ZNRF3: variants seen among roughly 807,000 people sequenced by gnomAD.
The protein encoded by ZNRF3 is zinc and ring finger 3.
A neutral mutation model predicts 72.5 loss-of-function variants in ZNRF3; 23 were observed. The ratio of observed to expected loss-of-function variants is 0.32; its 90% CI spans 0.23 to 0.45. ZNRF3 has a LOEUF of 0.45. Ranked by LOEUF, ZNRF3 falls within the 20% of genes least tolerant of loss-of-function variation. The pLI is 1.00. For missense variants in ZNRF3, 1,169 were observed against 1,272.1 expected (o/e 0.92, Z 1.23); for synonymous variants, 610 against 545.3 (o/e 1.12, Z -1.65).
chr22:28,974,487 C>T (rs991869267), intron 1 of ZNRF3, among the ~76,000 whole-genome samples: 4 of 152,128 alleles, frequency 2.6e-5, no homozygotes, highest in Admixed American at 2.6e-4. Flanking sequence ...TGTTCCTTGC[C>T]TGGTGTCCAG....
intron 1 of ZNRF3, among the ~76,000 whole-genome samples, chr22:28,901,635 C>CTTT (rs132532): frequency 2.7e-5 from 2 of 74,820 alleles, no homozygotes; most frequent in African/African-American, 9.7e-5. Context: ...ATGGATGGAC[C>CTTT]TTTTTTTTTT....
intron 1 of ZNRF3, among the ~76,000 whole-genome samples, chr22:28,901,342 A>T (rs1461228913): frequency 6.6e-6 from 1 of 152,126 alleles, no homozygotes; most frequent in Non-Finnish European, 1.5e-5. Context: ...GCACTCTTCC[A>T]TCTCCCTGTT....
intron 1 of ZNRF3, among the ~76,000 whole-genome samples, chr22:28,950,164 A>G (rs978455572): frequency 3.3e-5 from 5 of 152,180 alleles, no homozygotes. Flanking sequence ...AATCAGTGCA[A>G]ATGTCAGCAG....
intron 1 of ZNRF3, among the ~76,000 whole-genome samples, chr22:28,909,957 C>T (rs1303952927): frequency 6.6e-6 from 1 of 151,346 alleles, no homozygotes; most frequent in Non-Finnish European, 1.5e-5. Context: ...CCAGGCTGGT[C>T]TTGAACTTCT....
At position 28,928,585 on chromosome 22, in the gene ZNRF3, C is replaced by T. The variant is rs1046031776; in HGVS notation, c.300+44519C>T. Among the ~76,000 whole-genome samples the T allele has an allele frequency of 7.3e-5, 11 of 151,522 alleles. No individual in the cohort carries two copies. The East Asian group carries it at 1.4e-3, about 19-fold the overall frequency. On this transcript the variant is annotated intron_variant, in intron 1 of 8. Coordinates refer to ENST00000544604, the MANE Select transcript of ZNRF3 (RefSeq NM_001206998.2). ...CTTGGCTCACTGCAGCCTCCACCTCCCGGGTTTAAGCAATTCTCCTGCCTC... is the reference window on the plus strand; with the variant it reads ...CTTGGCTCACTGCAGCCTCCACCTCTCGGGTTTAAGCAATTCTCCTGCCTC...
chr22:28,967,695 G>C lies in ZNRF3; in HGVS notation c.301-19381G>C, dbSNP rs561944107. ...TAATCCCAGCACTTTGGGAGGCTGA[G>C]GTGGGTGGATCACTTGAGCCCAGGA... On this transcript the variant is annotated intron_variant, in intron 1 of 8. Coordinates refer to ENST00000544604, the MANE Select transcript of ZNRF3 (RefSeq NM_001206998.2). Among the ~76,000 whole-genome samples, 4 of 152,176 alleles carry C rather than the reference G, an allele frequency of 2.6e-5. No homozygotes were observed. The South Asian group carries it at 8.3e-4, about 32-fold the overall frequency.
chr22:29,020,249 CTTTTTTTTTTTT>C (rs756716817), intron 2 of ZNRF3, among the ~76,000 whole-genome samples: 5,803 of 91,872 alleles, frequency 0.063, 209 homozygotes, highest in Middle Eastern at 0.14. Flanking sequence ...CACAACCATC[CTTTTTTTTTTTT>C]TTTTTTTTTT....
intron 1 of ZNRF3, among the ~76,000 whole-genome samples, chr22:28,977,310 G>A (rs986339587): frequency 2.6e-5 from 4 of 152,108 alleles, no homozygotes; most frequent in African/African-American, 9.7e-5. Flanking sequence ...TCCCTTCATT[G>A]CTATGACAAC....
chr22:28,910,649 A>G (rs565417002), intron 1 of ZNRF3, among the ~76,000 whole-genome samples: 14 of 152,308 alleles, frequency 9.2e-5, no homozygotes, highest in Non-Finnish European at 1.5e-4. Context: ...CTCCTCCTGC[A>G]TGTCTGTTGA....
chr22:29,048,360 A>T lies in ZNRF3; in HGVS notation c.913-29A>T. On this transcript the variant is annotated intron_variant, in intron 6 of 8. Transcript: ENST00000544604. This position sits in a 1 kb window ranked among gnomAD's most constrained non-coding sequence, Gnocchi z 4.9. The stretch of plus-strand genomic sequence containing the variant: ...AGGACACACCTGCGAGGCTGAAGGC[A>T]GACTTGTGTCCCCTCTCTCCCTGCC... The T allele has an allele frequency of 6.2e-7, 1 of 1,600,238 alleles. No individual in the cohort carries two copies. Among genetic ancestry groups the T allele is most frequent in the Non-Finnish European group, 8.6e-7 (1 of 1,168,480 alleles).
Position 29,049,772 on chromosome 22 carries a change from T to C in ZNRF3, c.1591T>C (p.Cys531Arg). The change falls in exon 8 of 9, where the codon TGC becomes CGC. Residue 531 changes from cysteine to arginine, a missense_variant. By Grantham distance (180) the Cys-to-Arg change is radical. This residue lies in a region of ZNRF3 where 783 missense variants were observed against 731.4 expected (regional missense o/e 1.07). Coordinates refer to ENST00000544604, the MANE Select transcript of ZNRF3 (RefSeq NM_001206998.2). This position sits in a 1 kb window ranked among gnomAD's most constrained non-coding sequence, Gnocchi z 5.2. Reference protein sequence around the residue: ...LESGSTSSFSCYHGHRSVCSG... With the variant: ...LESGSTSSFSRYHGHRSVCSG... ...GAGCGGCAGCACGTCCAGCTTCAGC[T>C]GCTATCACGGCCACCGCTCGGTGTG... 4.4e-6 allele frequency: 7 copies of C among 1,597,870 alleles called. No individual in the cohort carries two copies. The highest frequency in any genetic ancestry group is 6.0e-6 in the Non-Finnish European group (7 of 1,170,332).
chr22:29,042,497 C>G lies in ZNRF3; in HGVS notation c.429C>G (p.Ala143=). The change falls in exon 3 of 9, where the codon GCC becomes GCG. Residue 143 remains alanine, a splice_region_variant and synonymous_variant. Coordinates refer to ENST00000544604, the MANE Select transcript of ZNRF3 (RefSeq NM_001206998.2). The stretch of plus-strand genomic sequence containing the variant: ...TGCTGTTTTTTTAACTCTGGCAGGC[C>G]AAGCGAGCAGTACAGCGGGGAGCTA... ...PKPCLTVLGK[A]KRAVQRGATA... is the part of the protein sequence containing the mutation. The G allele has an allele frequency of 6.2e-7, 1 of 1,613,766 alleles. No individual in the cohort carries two copies. The highest frequency in any genetic ancestry group is 8.5e-7 in the Non-Finnish European group (1 of 1,179,972).
At chr22:28,983,132 A>T (rs990574854) in intron 1 of ZNRF3, among the ~76,000 whole-genome samples, 3 of 152,154 alleles carry the variant, frequency 2.0e-5, no homozygotes, top group African/African-American at 7.2e-5. Flanking sequence ...TTTTAGTTTT[A>T]AAGGCTTTCA....
intron 2 of ZNRF3, among the ~76,000 whole-genome samples, chr22:29,005,256 CT>C (rs1217521937): frequency 1.3e-5 from 2 of 152,232 alleles, no homozygotes; most frequent in Non-Finnish European, 2.9e-5. Context: ...AAAACCTTGC[CT>C]TTGCCAAGCA....
At chr22:28,983,538 C>T (rs775700269) in intron 1 of ZNRF3, among the ~76,000 whole-genome samples, 10 of 152,170 alleles carry the variant, frequency 6.6e-5, no homozygotes, top group Non-Finnish European at 2.9e-5. Flanking sequence ...GTCTTCTCCC[C>T]GTCCTCCACA....
At chr22:28,984,096 G>A (rs1368699125) in intron 1 of ZNRF3, among the ~76,000 whole-genome samples, 1 of 151,644 alleles carries the variant, frequency 6.6e-6, no homozygotes, top group Non-Finnish European at 1.5e-5. Flanking sequence ...TCATTCCTGA[G>A]TAAGCTCTTA....
intron 1 of ZNRF3, among the ~76,000 whole-genome samples, chr22:28,932,110 A>T (rs554325193): frequency 3.3e-5 from 5 of 152,314 alleles, no homozygotes; most frequent in Admixed American, 2.0e-4. Flanking sequence ...TCTAGCATGG[A>T]GAGGACCCGT....
At chr22:28,958,776 A>G (rs186450163) in intron 1 of ZNRF3, among the ~76,000 whole-genome samples, 1 of 152,294 alleles carries the variant, frequency 6.6e-6, no homozygotes, top group Non-Finnish European at 1.5e-5. Flanking sequence ...ATTAGACTTC[A>G]TTAGACATAC....
At chr22:29,001,657 G>A (rs564890799) in intron 2 of ZNRF3, among the ~76,000 whole-genome samples, 5 of 152,046 alleles carry the variant, frequency 3.3e-5, no homozygotes, top group Admixed American at 3.3e-4. Flanking sequence ...TTTTTCAGTA[G>A]AGGCGGGGTT....
Sources: allele counts gnomAD v4.1 joint callset (sites outside exome capture counted in the v4.1 genomes callset), GRCh38; gene constraint gnomAD v4.1.1; regional missense constraint gnomAD v4.1.1; non-coding constraint Gnocchi (gnomAD v3.1); transcripts MANE v1.5; gene names NCBI Gene and HGNC (gene_info 2026-07-23, HGNC 2026-07-21).